Variants in GCNT1 observed in about 807,000 individuals in gnomAD.
The protein encoded by GCNT1 is beta-1,3-galactosyl-O-glycosyl-glycoprotein beta-1,6-N-acetylglucosaminyltransferase.
Under a neutral mutation model 26.2 loss-of-function variants are expected in GCNT1, and 16 were observed. The ratio of observed to expected loss-of-function variants is 0.61; its 90% CI spans 0.41 to 0.93. The LOEUF (loss-of-function observed/expected upper bound fraction) is 0.93. GCNT1 is among the 40% of genes least tolerant of loss of function. GCNT1 has a pLI of 0.00. For synonymous variants in GCNT1, 183 were observed against 190.8 expected, an observed-to-expected ratio of 0.96 and a Z score of 0.34; for missense variants, 477 against 526.7, an observed-to-expected ratio of 0.91 and a Z score of 0.92.
At chr9:76,411,306 T>G in the GCNT1 span, among the ~76,000 whole-genome samples, 3 of 151,692 alleles carry the variant, frequency 2.0e-5, no homozygotes, top group Admixed American at 6.6e-5. Context: ...ATTTTGGGGG[T>G]TTTTTTTGTT....
chr9:76,477,274 T>C (rs1824274507), intron 2 of GCNT1, among the ~76,000 whole-genome samples: 2 of 147,084 alleles, frequency 1.4e-5, no homozygotes, highest in South Asian at 4.9e-4. Context: ...ACGCCTGTAA[T>C]CCCAGCACTT....
chr9:76,478,885 T>TC (rs773417849), intron 2 of GCNT1, among the ~76,000 whole-genome samples: 2 of 152,214 alleles, frequency 1.3e-5, no homozygotes, highest in Non-Finnish European at 2.9e-5. Flanking sequence ...TATTTTAAGT[T>TC]CTAGGGTACA....
chr9:76,418,795 T>A (rs144681738), upstream of GCNT1, among the ~76,000 whole-genome samples: 461 of 152,312 alleles, frequency 3.0e-3, 1 homozygote, highest in African/African-American at 0.01. Flanking sequence ...CTCTTTAGAA[T>A]TTGAATGAGC....
At chr9:76,445,144 G>A (rs1326885919) in intron 1 of GCNT1, among the ~76,000 whole-genome samples, 4 of 152,106 alleles carry the variant, frequency 2.6e-5, no homozygotes. Context: ...ATGCTGATAG[G>A]AACGATTCTG....
intron 2 of GCNT1, among the ~76,000 whole-genome samples, chr9:76,462,415 T>C (rs1432843138): frequency 1.3e-5 from 2 of 152,240 alleles, no homozygotes; most frequent in Non-Finnish European, 2.9e-5. Context: ...CTTTCTCAAT[T>C]GTGGCACTTT....
chr9:76,440,815 C>T (rs1823473880), upstream of GCNT1, among the ~76,000 whole-genome samples: 2 of 152,028 alleles, frequency 1.3e-5, no homozygotes, highest in Non-Finnish European at 2.9e-5. Flanking sequence ...CCTGTAATCC[C>T]AGCACTTTGG....
intron 1 of GCNT1, among the ~76,000 whole-genome samples, chr9:76,431,343 G>A (rs1823333430): frequency 1.3e-5 from 2 of 152,140 alleles, no homozygotes; most frequent in South Asian, 2.1e-4. Context: ...TGACCTACTC[G>A]CTACAGATTT....
In GCNT1 at chr9:76,502,691, A is replaced by T; in HGVS notation, c.310A>T (p.Ile104Phe). Residue 104 changes from isoleucine to phenylalanine, a missense_variant, in exon 4 of 4, where the codon ATC becomes TTC. Ile to Phe is a conservative substitution (Grantham distance 21, BLOSUM62 0). Coordinates refer to ENST00000376730, the MANE Select transcript of GCNT1 (RefSeq NM_001490.5). ...INMTSDCSSF[I>F]KRRKYIVEPL... ...CATGACCAGTGACTGTTCTTCTTTC[A>T]TCAAGAGACGCAAATATATTGTAGA... The T allele has an allele frequency of 6.2e-7, 1 of 1,614,184 alleles. No homozygotes were observed. The highest frequency in any genetic ancestry group is 8.5e-7 in the Non-Finnish European group (1 of 1,179,982).
chr9:76,439,100 G>A (rs1004265651), upstream of GCNT1, among the ~76,000 whole-genome samples: 3 of 152,158 alleles, frequency 2.0e-5, no homozygotes, highest in African/African-American at 7.2e-5. Flanking sequence ...TAAGCCAGTG[G>A]TTCTGAAAGG....
chr9:76,396,614 G>A, the GCNT1 span, among the ~76,000 whole-genome samples: 7 of 151,774 alleles, frequency 4.6e-5, no homozygotes, highest in South Asian at 2.1e-4. Context: ...GGCTGAGGCC[G>A]GTGGATCACT....
chr9:76,496,797 CTG>C (rs1414589330), intron 2 of GCNT1, among the ~76,000 whole-genome samples: 2 of 152,198 alleles, frequency 1.3e-5, no homozygotes, highest in African/African-American at 4.8e-5. Flanking sequence ...TGGCTTTCCT[CTG>C]TTCCAACTCA....
At chr9:76,425,012 G>A (rs1185643731) in intron 1 of GCNT1, among the ~76,000 whole-genome samples, 5 of 151,544 alleles carry the variant, frequency 3.3e-5, no homozygotes, top group Admixed American at 6.6e-5. Context: ...GGTATCACGC[G>A]CCTGTAGTCC....
intron 2 of GCNT1, among the ~76,000 whole-genome samples, chr9:76,485,505 T>C (rs1438420980): frequency 1.3e-5 from 2 of 152,168 alleles, no homozygotes; most frequent in South Asian, 2.1e-4. Context: ...ACTTATTTAA[T>C]TCTGAACTCT....
intron 2 of GCNT1, among the ~76,000 whole-genome samples, chr9:76,461,171 A>G (rs1823862458): frequency 6.8e-6 from 1 of 146,028 alleles, no homozygotes; most frequent in South Asian, 2.2e-4. Context: ...AGGAATTCCC[A>G]TTCAGCCATA....
chr9:76,477,687 A>C (rs1824285643), intron 2 of GCNT1, among the ~76,000 whole-genome samples: 1 of 152,214 alleles, frequency 6.6e-6, no homozygotes, highest in Non-Finnish European at 1.5e-5. Flanking sequence ...TCAGTGCATT[A>C]AGCATATTTG....
At chr9:76,450,297 T>C (rs188897002) in intron 1 of GCNT1, among the ~76,000 whole-genome samples, 11 of 152,372 alleles carry the variant, frequency 7.2e-5, no homozygotes, top group Admixed American at 5.9e-4. Flanking sequence ...AGCATATGCG[T>C]AAATTCCTTA....
At chr9:76,411,932 C>T in the GCNT1 span, among the ~76,000 whole-genome samples, 3 of 151,572 alleles carry the variant, frequency 2.0e-5, no homozygotes, top group Non-Finnish European at 4.4e-5. Context: ...AAACTCCTGG[C>T]CTCCAGTGAT....
rs1335863924 is a variant in GCNT1 at position 76,503,049 on chromosome 9, T to G, written c.668T>G (p.Ile223Ser). Reference protein sequence around the residue: ...LINLCGMDFPIKTNLEIVRKL... With the variant: ...LINLCGMDFPSKTNLEIVRKL... ...AATCTTTGTGGTATGGATTTTCCCA[T>G]TAAAACCAACCTAGAAATTGTCAGG... The change falls in exon 4 of 4, where the codon ATT (isoleucine) becomes AGT (serine). Residue 223 changes from isoleucine (I) to serine (S), a missense_variant. By Grantham distance (142) the Ile-to-Ser change is moderately radical. Coordinates refer to ENST00000376730, the MANE Select transcript of GCNT1 (RefSeq NM_001490.5). The G allele has an allele frequency of 6.2e-7, 1 of 1,613,932 alleles. No individual in the cohort carries two copies. The highest frequency in any genetic ancestry group is 8.5e-7 in the Non-Finnish European group (1 of 1,180,018).
chr9:76,427,972 ACT>A (rs1823278111), intron 1 of GCNT1, among the ~76,000 whole-genome samples: 2 of 152,160 alleles, frequency 1.3e-5, no homozygotes, highest in African/African-American at 4.8e-5. Context: ...ACAGAGCAAG[ACT>A]CTATCTCAAA....
Sources: allele counts gnomAD v4.1 joint callset (sites outside exome capture counted in the v4.1 genomes callset), GRCh38; gene constraint gnomAD v4.1.1; transcripts MANE v1.5; gene names NCBI Gene and HGNC (gene_info 2026-07-23, HGNC 2026-07-21).